Variants in NOC3L observed in about 807,000 individuals in gnomAD.
NOC3L encodes nucleolar complex protein 3 homolog.
NOC3L carries 85 observed loss-of-function variants against 102.5 expected under a neutral mutation model. That is an observed-to-expected ratio of 0.83 (90% CI 0.70 to 0.99). NOC3L has a LOEUF of 0.99. Among genes scored for constraint, NOC3L ranks in the 50% least tolerant of loss-of-function variants. The pLI, the probability that NOC3L is intolerant of heterozygous loss-of-function variation, is 0.00. For synonymous variants in NOC3L, 303 were observed against 309.4 expected (o/e 0.98, Z 0.22); for missense variants, 878 against 914.9 (o/e 0.96, Z 0.52).
rs564957485 is a variant in NOC3L at position 94,344,284 on chromosome 10, TAAAGGCTGGTGACAATCAGA to T, written c.1571+111_1571+130del. Reference sequence around the variant, plus strand: ...GCCCACTGTTATGAATAGCTTCAAGTAAAGGCTGGTGACAATCAGAAAAGGAATGAGAACTGAGGATAATG... The same window carrying T: ...GCCCACTGTTATGAATAGCTTCAAGTAAAGGAATGAGAACTGAGGATAATG... On this transcript the variant is annotated intron_variant, in intron 13 of 20. Transcript: ENST00000371361. 790 of 536,746 alleles carry T rather than the reference TAAAGGCTGGTGACAATCAGA, an allele frequency of 1.5e-3. 4 individuals carry two copies. The highest frequency in any genetic ancestry group is 0.013 in the African/African-American group (662 of 52,208). 33.2% of individuals were successfully genotyped at this position (536,746 alleles called of 1,614,324 possible). A position where few individuals can be genotyped will look rare whatever the true frequency, so the allele number is the denominator to read the frequency against.
chr10:94,323,233 G>A, the NOC3L span, among the ~76,000 whole-genome samples: 12 of 152,284 alleles, frequency 7.9e-5, no homozygotes. Context: ...CATGGTTTCA[G>A]AGAAGTTTGC....
chr10:94,324,320 T>TATTC, the NOC3L span: 1 of 1,542,746 alleles, frequency 6.5e-7, no homozygotes, highest in African/African-American at 1.4e-5. Context: ...TCTGTGTCTT[T>TATTC]ATTCAGTTGA....
intron 13 of NOC3L, among the ~76,000 whole-genome samples, chr10:94,342,029 C>T (rs1183210421): frequency 6.6e-6 from 1 of 152,168 alleles, no homozygotes; most frequent in Non-Finnish European, 1.5e-5. Flanking sequence ...AAGCAAACAA[C>T]TTCCTGAGGA....
chr10:94,355,808 A>G (rs2054477247), intron 5 of NOC3L, among the ~76,000 whole-genome samples: 1 of 152,132 alleles, frequency 6.6e-6, no homozygotes, highest in African/African-American at 2.4e-5. Flanking sequence ...TGTTTTTAAC[A>G]CTATATATTA....
At chr10:94,345,290 C>T (rs923714806) in intron 11 of NOC3L, among the ~76,000 whole-genome samples, 9 of 147,668 alleles carry the variant, frequency 6.1e-5, no homozygotes, top group Non-Finnish European at 1.2e-4. Context: ...TAAAGTTTTT[C>T]AAAAAAGAAA....
At chr10:94,360,132 A>G (rs2134014972) in intron 2 of NOC3L, among the ~76,000 whole-genome samples, 1 of 152,266 alleles carries the variant, frequency 6.6e-6, no homozygotes, top group East Asian at 1.9e-4. Context: ...CCCAGCCAAC[A>G]TGGTGAAACC....
intron 4 of NOC3L, 89 bp downstream of exon 4, chr10:94,357,084 CA>C (rs1224339853): frequency 2.0e-6 from 2 of 1,017,472 alleles, no homozygotes; most frequent in African/African-American, 3.3e-5. Flanking sequence ...TGGGTAAAAT[CA>C]AAGTAAAATT....
chr10:94,338,278 A>G (rs2054244911), intron 18 of NOC3L, among the ~76,000 whole-genome samples: 1 of 152,308 alleles, frequency 6.6e-6, no homozygotes, highest in East Asian at 1.9e-4. Context: ...GTCTCCTTGG[A>G]TAAGACTCAA....
At chr10:94,332,830 A>G (rs188573483), downstream of NOC3L, 4 of 152,206 alleles carry the variant, frequency 2.6e-5, no homozygotes, top group Non-Finnish European at 5.9e-5. Context: ...TGTATTGGTC[A>G]CTTGTGCTCT....
chr10:94,323,789 G>A, the NOC3L span, among the ~76,000 whole-genome samples: 5 of 152,174 alleles, frequency 3.3e-5, no homozygotes, highest in Admixed American at 3.3e-4. Flanking sequence ...TAAAAGTACA[G>A]CACAGTATCT....
chr10:94,322,646 G>A, the NOC3L span, among the ~76,000 whole-genome samples: 8 of 152,078 alleles, frequency 5.3e-5, no homozygotes, highest in African/African-American at 1.7e-4. Context: ...TTAGCTGGGC[G>A]TGGTGGCAGG....
the NOC3L span, among the ~76,000 whole-genome samples, chr10:94,318,265 T>C: frequency 1.3e-5 from 2 of 152,318 alleles, no homozygotes; most frequent in Admixed American, 6.5e-5. Context: ...TGATAAAATA[T>C]CAGAGGGCTT....
At chr10:94,327,543 A>ACT in the NOC3L span, among the ~76,000 whole-genome samples, 1 of 152,222 alleles carries the variant, frequency 6.6e-6, no homozygotes, top group African/African-American at 2.4e-5. Flanking sequence ...GAGAGCAAAA[A>ACT]GAAAGTTAGT....
Position 94,339,756 on chromosome 10 carries a change from T to C in NOC3L, c.1945A>G (p.Thr649Ala). Reference sequence around the variant, plus strand: ...CTACTTACATGCATTAATATTCTGGTAGTTGCTAAAATGCCAATACTTGAA... The same window carrying C: ...CTACTTACATGCATTAATATTCTGGCAGTTGCTAAAATGCCAATACTTGAA... ...PNSSIGILAT[T>A]RILMHTFPKT... The change falls in exon 17 of 21, where the codon ACC becomes GCC. Residue 649 changes from threonine to alanine, a missense_variant. Thr to Ala is a moderately conservative substitution (Grantham distance 58). Coordinates refer to ENST00000371361, the MANE Select transcript of NOC3L (RefSeq NM_022451.11). 2.5e-6 allele frequency: 4 copies of C among 1,613,878 alleles called. No homozygotes were observed. The East Asian group carries it at 8.9e-5, about 36-fold the overall frequency.
At chr10:94,348,123 A>G (rs1390574977) in intron 10 of NOC3L, among the ~76,000 whole-genome samples, 1 of 149,622 alleles carries the variant, frequency 6.7e-6, no homozygotes, top group African/African-American at 2.4e-5. Flanking sequence ...AAATATATAC[A>G]TAATATAAAT....
downstream of NOC3L, chr10:94,328,309 TG>T: frequency 5.1e-6 from 1 of 194,818 alleles, no homozygotes; most frequent in Non-Finnish European, 1.1e-5. Flanking sequence ...ATTCTGCCAT[TG>T]TAGTGCAAAA....
intron 1 of NOC3L, among the ~76,000 whole-genome samples, chr10:94,362,537 C>T (rs1564920756): frequency 6.6e-6 from 1 of 152,138 alleles, no homozygotes; most frequent in East Asian, 1.9e-4. Flanking sequence ...AGGGTAGGAC[C>T]CTGCTTCTCA....
At position 94,334,683 on chromosome 10, in the gene NOC3L, G is replaced by C; in HGVS notation, c.2225C>G (p.Ala742Gly). ...ATELFEAYSM[A>G]EMTFNPPVES... ...AACAGGAGGATTGAATGTCATTTCT[G>C]CCATGCTATATGCCTCAAAAAGTTC... The change falls in exon 20 of 21, where the codon GCA becomes GGA. Residue 742 changes from alanine to glycine, a missense_variant. Ala to Gly is a moderately conservative substitution (Grantham distance 60, BLOSUM62 0). Coordinates refer to ENST00000371361, the MANE Select transcript of NOC3L (RefSeq NM_022451.11). The C allele has an allele frequency of 1.2e-6, 2 of 1,613,074 alleles. No homozygotes were observed. The highest frequency in any genetic ancestry group is 1.1e-5 in the South Asian group (1 of 90,912).
In NOC3L at chr10:94,340,725, C is replaced by T. The variant is rs559580644; in HGVS notation, c.1645-229G>A. ...GGCCGGGCGCGGTGGCTCACGCCTG[C>T]AATCCCAGCACTTCAGGAGGCCGAG... is the stretch of plus-strand genomic sequence containing the variant. On this transcript the variant is annotated intron_variant, in intron 14 of 20. Coordinates refer to ENST00000371361, the MANE Select transcript of NOC3L (RefSeq NM_022451.11). 1.8e-3 allele frequency among the ~76,000 whole-genome samples: 267 copies of T among 151,934 alleles called. 1 individual carries two copies. The highest frequency in any genetic ancestry group is 6.6e-3 in the South Asian group (32 of 4,816).
Sources: gnomAD v4.1 joint callset for allele counts (sites outside exome capture counted in the v4.1 genomes callset) on GRCh38, gnomAD v4.1.1 for gene constraint, MANE v1.5 for transcripts, NCBI Gene and HGNC (gene_info 2026-07-23, HGNC 2026-07-21) for gene names.